The following ROBO1 variants were observed in gnomAD, a reference collection of about 807,000 sequenced individuals.
The protein encoded by ROBO1 is roundabout homolog 1.
ROBO1 carries 149 observed loss-of-function variants against 195.9 expected under a neutral mutation model. That is an observed-to-expected ratio of 0.76 (90% CI 0.67 to 0.87). The LOEUF (loss-of-function observed/expected upper bound fraction) is 0.87. Among genes scored for constraint, ROBO1 ranks in the 40% least tolerant of loss-of-function variants. The probability of loss-of-function intolerance (pLI) is 0.00; values close to 1 mark genes in which losing one functional copy is unlikely to be tolerated. For missense variants in ROBO1, 1,933 were observed against 2,068.3 expected (o/e 0.93, Z 1.27); for synonymous variants, 816 against 733.2 (o/e 1.11, Z -1.82).
rs185151004 is a variant in ROBO1 at position 78,624,087 on chromosome 3, T to C, written c.3875+3234A>G. Among the ~76,000 whole-genome samples, 427 of 152,220 alleles carry C rather than the reference T, an allele frequency of 2.8e-3. 2 individuals are homozygous for C. The highest frequency in any genetic ancestry group is 9.2e-3 in the African/African-American group (384 of 41,554). The stretch of plus-strand genomic sequence containing the variant: ...AATAGAGTTACACACTTTACACAAG[T>C]GTCTAAATAAAAAGATAACAACGTG... On this transcript the variant is annotated intron_variant, in intron 26 of 30. Coordinates refer to ENST00000464233, the MANE Select transcript of ROBO1 (RefSeq NM_002941.4).
chr3:79,374,774 A>G (rs2109350073), intron 2 of ROBO1, among the ~76,000 whole-genome samples: 1 of 152,310 alleles, frequency 6.6e-6, no homozygotes, highest in South Asian at 2.1e-4. Context: ...GCCATTCAAA[A>G]AAATTCTATA....
intron 3 of ROBO1, among the ~76,000 whole-genome samples, chr3:78,976,423 G>A (rs1029474075): frequency 2.0e-4 from 31 of 152,228 alleles, no homozygotes; most frequent in Admixed American, 9.8e-4. Flanking sequence ...GAGTCTTTGC[G>A]CTTATCAGGA....
At chr3:79,100,353 T>C (rs1365263367) in intron 3 of ROBO1, among the ~76,000 whole-genome samples, 1 of 151,864 alleles carries the variant, frequency 6.6e-6, no homozygotes, top group Admixed American at 6.6e-5. Flanking sequence ...GCTAGCAACA[T>C]AATCAATTTG....
In ROBO1 at chr3:78,960,610, C is replaced by T. The variant is rs145490608; in HGVS notation, c.173-21683G>A. Among the ~76,000 whole-genome samples, 48 of 151,870 alleles carry T rather than the reference C, an allele frequency of 3.2e-4. 1 individual carries two copies. The East Asian group carries it at 8.9e-3, about 28-fold the overall frequency. ...CCTGGCTAACATGGTGAAATCCCAT[C>T]GCTACTAAAAATACAAAAAGTTAGC... is the stretch of plus-strand genomic sequence containing the variant. On this transcript the variant is annotated intron_variant, in intron 3 of 30. Coordinates refer to ENST00000464233, the MANE Select transcript of ROBO1 (RefSeq NM_002941.4).
intron 8 of ROBO1, among the ~76,000 whole-genome samples, chr3:78,689,704 C>T (rs956845123): frequency 2.7e-4 from 41 of 152,078 alleles, no homozygotes; most frequent in Admixed American, 8.5e-4. Flanking sequence ...ATGCTTCAAG[C>T]GACATTTAAT....
intron 2 of ROBO1, among the ~76,000 whole-genome samples, chr3:79,424,522 G>A (rs745547555): frequency 1.3e-5 from 2 of 151,788 alleles, no homozygotes; most frequent in Non-Finnish European, 2.9e-5. Context: ...ACATTCAAAG[G>A]CTCACAATAT....
rs1200931240 is a variant in ROBO1, at chr3:78,711,411, CTT to C, written c.1045+2984_1045+2985del. Among the ~76,000 whole-genome samples the C allele has an allele frequency of 2.2e-4, 17 of 78,812 alleles. 1 individual carries two copies. Among genetic ancestry groups the C allele is most frequent in the South Asian group, 4.7e-4 (1 of 2,116 alleles). 51.7% of individuals were successfully genotyped at this position (78,812 alleles called of 152,430 possible). A position where few individuals can be genotyped will look rare whatever the true frequency, so the allele number is the denominator to read the frequency against. On this transcript the variant is annotated intron_variant, in intron 8 of 30. Transcript: ENST00000464233. ...CCTTCCTTCCTTCCTTTCTTTCTTT[CTT>C]TCTTTCTTTCTTTCTTTCTTTCTTT... is the stretch of plus-strand genomic sequence containing the variant.
At chr3:78,652,972 C>T (rs963374927) in intron 18 of ROBO1, among the ~76,000 whole-genome samples, 1 of 151,998 alleles carries the variant, frequency 6.6e-6, no homozygotes. Flanking sequence ...GTGCAGAATT[C>T]CCACCTCTGT....
chr3:79,696,314 A>G (rs1355614263), intron 1 of ROBO1, among the ~76,000 whole-genome samples: 1 of 151,144 alleles, frequency 6.6e-6, no homozygotes, highest in African/African-American at 2.4e-5. Context: ...AATCTGCTCT[A>G]TTGTAATATT....
chr3:79,522,378 T>C (rs2107582870), intron 2 of ROBO1, among the ~76,000 whole-genome samples: 1 of 151,670 alleles, frequency 6.6e-6, no homozygotes, highest in Admixed American at 6.6e-5. Flanking sequence ...TTCCTGCAAC[T>C]GGCAAGCTTC....
intron 1 of ROBO1, among the ~76,000 whole-genome samples, chr3:79,722,568 A>T (rs1400135756): frequency 2.0e-5 from 3 of 152,206 alleles, no homozygotes. Context: ...CCCTCTTCAT[A>T]AAAAGCTCCT....
chr3:79,061,407 A>G (rs558230691), intron 3 of ROBO1, among the ~76,000 whole-genome samples: 3 of 152,210 alleles, frequency 2.0e-5, no homozygotes, highest in Non-Finnish European at 4.4e-5. Flanking sequence ...AATCAATATC[A>G]TGAAAATGGC....
Position 79,432,846 on chromosome 3 carries a change from G to C in ROBO1, c.88+156978C>G, listed in dbSNP as rs570541003. On this transcript the variant is annotated intron_variant, in intron 2 of 30. Coordinates refer to ENST00000464233, the MANE Select transcript of ROBO1 (RefSeq NM_002941.4). ...TGCTGATTAAATATTACCAACACAT[G>C]TATAATTTATTTAGGCCATGTATTA... Among the ~76,000 whole-genome samples the C allele has an allele frequency of 3.3e-5, 5 of 152,080 alleles. No homozygotes were observed. The East Asian group carries it at 9.7e-4, about 29-fold the overall frequency.
intron 4 of ROBO1, among the ~76,000 whole-genome samples, chr3:78,835,160 C>G (rs1041551228): frequency 1.4e-4 from 22 of 152,276 alleles, no homozygotes; most frequent in African/African-American, 5.3e-4. Context: ...ATCACAATCA[C>G]TCCCTCAAGC....
chr3:79,041,886 TAAAG>T (rs2078493313), intron 3 of ROBO1, among the ~76,000 whole-genome samples: 1 of 152,124 alleles, frequency 6.6e-6, no homozygotes, highest in Non-Finnish European at 1.5e-5. Context: ...GTGGTGGAAA[TAAAG>T]AAAGACATAA....
At chr3:78,766,370 T>C (rs534925277) in intron 4 of ROBO1, among the ~76,000 whole-genome samples, 2 of 152,286 alleles carry the variant, frequency 1.3e-5, no homozygotes, top group African/African-American at 4.8e-5. Flanking sequence ...TGCTTTGCTT[T>C]AGTACCCCAA....
Position 79,686,053 on chromosome 3 carries a change from CA to C in ROBO1, c.-51+81698del, listed in dbSNP as rs537086773. ...TCAAGTGGGTTTCATCCCTGGGATG[CA>C]AGGCTGGTTCAACATATGCAAATCA... On this transcript the variant is annotated intron_variant, in intron 1 of 30. Transcript: ENST00000464233. Among the ~76,000 whole-genome samples the C allele has an allele frequency of 8.4e-3, 1,282 of 152,280 alleles. 18 individuals carry two copies. The highest frequency in any genetic ancestry group is 9.1e-3 in the Non-Finnish European group (621 of 68,028).
intron 3 of ROBO1, among the ~76,000 whole-genome samples, chr3:79,071,430 A>G (rs1295208649): frequency 6.6e-6 from 1 of 151,742 alleles, no homozygotes; most frequent in African/African-American, 2.4e-5. Context: ...GTAATATTAG[A>G]TAAAGTTATG....
intron 4 of ROBO1, among the ~76,000 whole-genome samples, chr3:78,842,312 A>ATG (rs1256436596): frequency 1.6e-4 from 21 of 131,592 alleles, no homozygotes; most frequent in Non-Finnish European, 2.1e-4. Flanking sequence ...ATATATTTAT[A>ATG]TATATGAGCC....
Sources: allele counts gnomAD v4.1 joint callset (sites outside exome capture counted in the v4.1 genomes callset), GRCh38; gene constraint gnomAD v4.1.1; transcripts MANE v1.5; gene names NCBI Gene and HGNC (gene_info 2026-07-23, HGNC 2026-07-21).